R3HDM1: variants seen among roughly 807,000 people sequenced by gnomAD.
The protein encoded by R3HDM1 is R3H domain-containing protein 1.
R3HDM1 carries 46 observed loss-of-function variants against 141.1 expected under a neutral mutation model. The observed-to-expected ratio is 0.33, with a 90% CI of 0.26 to 0.42. The LOEUF is 0.42. R3HDM1 is among the 10% of genes least tolerant of loss of function. The probability of loss-of-function intolerance (pLI) is 1.00; values close to 1 mark genes in which losing one functional copy is unlikely to be tolerated. For missense variants in R3HDM1, 1,184 were observed against 1,368.3 expected, an observed-to-expected ratio of 0.87 and a Z score of 2.12; for synonymous variants, 435 against 472.9, an observed-to-expected ratio of 0.92 and a Z score of 1.04.
intron 21 of R3HDM1, among the ~76,000 whole-genome samples, chr2:135,683,488 G>A (rs1248233718): frequency 1.9e-4 from 29 of 150,918 alleles, no homozygotes; most frequent in Admixed American, 1.9e-3. Flanking sequence ...TGGGAGGTTG[G>A]GGTTGTAGTG....
chr2:135,575,312 A>C (rs1705149719), intron 1 of R3HDM1, among the ~76,000 whole-genome samples: 2 of 152,200 alleles, frequency 1.3e-5, no homozygotes, highest in South Asian at 4.1e-4. Flanking sequence ...CCTCCAAAAT[A>C]GCTGGGATTA....
At chr2:135,560,111 A>G (rs554694523) in intron 1 of R3HDM1, among the ~76,000 whole-genome samples, 17 of 152,350 alleles carry the variant, frequency 1.1e-4, no homozygotes, top group African/African-American at 3.4e-4. Context: ...GCGCATGTAT[A>G]TATTATTCTG....
At chr2:135,650,229 A>G (rs934862223) in intron 17 of R3HDM1, 36 of 981,568 alleles carry the variant, frequency 3.7e-5, no homozygotes, top group Middle Eastern at 1.0e-3. Flanking sequence ...CTGCTTTTTC[A>G]TAACGAAAGA....
rs1297365600 is a variant in R3HDM1, at chr2:135,611,374, C to T, written c.172-4778C>T. Among the ~76,000 whole-genome samples the T allele has an allele frequency of 2.0e-5, 3 of 152,204 alleles. No individual in the cohort carries two copies. In the East Asian group the frequency reaches 5.8e-4, roughly 29 times the overall value. The stretch of plus-strand genomic sequence containing the variant: ...TGTGATTGCACCACTGGACTCCAGC[C>T]TGAGTGACAGAGTCAGACCCTGTCT... On this transcript the variant is annotated intron_variant, in intron 3 of 26. Transcript: ENST00000683871.
chr2:135,556,855 A>G (rs1394206502), intron 1 of R3HDM1, among the ~76,000 whole-genome samples: 2 of 152,010 alleles, frequency 1.3e-5, no homozygotes, highest in Non-Finnish European at 2.9e-5. Context: ...ACTAGAATTC[A>G]TATAGAAAAA....
chr2:135,608,656 AT>A (rs1208059454), intron 3 of R3HDM1, among the ~76,000 whole-genome samples: 1 of 152,196 alleles, frequency 6.6e-6, no homozygotes, highest in Non-Finnish European at 1.5e-5. Context: ...ACTACCAGAT[AT>A]TTCATCTTCC....
intron 23 of R3HDM1, among the ~76,000 whole-genome samples, chr2:135,714,974 G>A (rs868368908): frequency 6.6e-6 from 1 of 152,316 alleles, no homozygotes; most frequent in East Asian, 1.9e-4. Flanking sequence ...TATTGCCAAG[G>A]TACAAAAGCA....
At chr2:135,646,501 C>T (rs1009785017) in intron 16 of R3HDM1, among the ~76,000 whole-genome samples, 27 of 151,710 alleles carry the variant, frequency 1.8e-4, no homozygotes, top group African/African-American at 1.7e-4. Context: ...CTCTTTTTCC[C>T]TGCAAGACTC....
chr2:135,668,946 T>C, intron 19 of R3HDM1: 1 of 212,194 alleles, frequency 4.7e-6, no homozygotes, highest in Non-Finnish European at 8.1e-6. Context: ...GAGATTCACT[T>C]GGAAATACTC....
intron 16 of R3HDM1, among the ~76,000 whole-genome samples, chr2:135,647,434 T>C (rs1227342520): frequency 6.6e-6 from 1 of 152,240 alleles, no homozygotes; most frequent in East Asian, 1.9e-4. Flanking sequence ...CTGGGATTTA[T>C]CTGTGATTAT....
At chr2:135,621,087 C>T (rs559447763) in intron 5 of R3HDM1, among the ~76,000 whole-genome samples, 1 of 152,036 alleles carries the variant, frequency 6.6e-6, no homozygotes, top group Non-Finnish European at 1.5e-5. Context: ...TTTTATTAAT[C>T]ATTGACTTGA....
chr2:135,701,891 G>T (rs1274360061), intron 21 of R3HDM1, among the ~76,000 whole-genome samples: 1 of 152,104 alleles, frequency 6.6e-6, no homozygotes, highest in Non-Finnish European at 1.5e-5. Flanking sequence ...TATTCATTCT[G>T]CCATGTGCTT....
At chr2:135,626,532 T>A (rs1270050541) in intron 7 of R3HDM1, among the ~76,000 whole-genome samples, 3 of 152,102 alleles carry the variant, frequency 2.0e-5, no homozygotes, top group Non-Finnish European at 4.4e-5. Flanking sequence ...ACAGGCAGAA[T>A]TTTTCTTCTC....
intron 1 of R3HDM1, among the ~76,000 whole-genome samples, chr2:135,580,200 G>T (rs1706474012): frequency 6.6e-6 from 1 of 152,166 alleles, no homozygotes; most frequent in South Asian, 2.1e-4. Context: ...GCAGTGAGCT[G>T]AGATCGCACC....
At chr2:135,550,697 CAA>C (rs1699677860) in intron 1 of R3HDM1, among the ~76,000 whole-genome samples, 1 of 152,066 alleles carries the variant, frequency 6.6e-6, no homozygotes, top group Non-Finnish European at 1.5e-5. Context: ...CTATTTGAGT[CAA>C]AATTTCAATA....
chr2:135,650,612 T>A, intron 17 of R3HDM1: 2 of 979,380 alleles, frequency 2.0e-6, no homozygotes, highest in Non-Finnish European at 1.2e-6. Flanking sequence ...TTTGATCATA[T>A]AACATTGAAA....
intron 1 of R3HDM1, among the ~76,000 whole-genome samples, chr2:135,594,313 A>G (rs547531994): frequency 2.0e-4 from 30 of 152,314 alleles, no homozygotes; most frequent in African/African-American, 6.7e-4. Flanking sequence ...TTAAGCTACT[A>G]TACCATACAG....
chr2:135,541,201 T>C (rs1234702931), intron 1 of R3HDM1, among the ~76,000 whole-genome samples: 1 of 152,022 alleles, frequency 6.6e-6, no homozygotes, highest in Non-Finnish European at 1.5e-5. Flanking sequence ...GTATCTGCAT[T>C]AGCTTCTTTT....
rs1454491738 is a variant in R3HDM1 at position 135,649,886 on chromosome 2, A to G, written c.1624-16A>G. 8.3e-6 allele frequency: 10 copies of G among 1,202,488 alleles called. No homozygotes were observed. The highest frequency in any genetic ancestry group is 6.5e-5 in the East Asian group (1 of 15,332). 74.5% of individuals were successfully genotyped at this position (1,202,488 alleles called of 1,614,324 possible). On this transcript the variant is annotated splice_polypyrimidine_tract_variant and intron_variant, in intron 16 of 26. Transcript: ENST00000683871. ...ATTCTGACATTAACATTGTTTGCCA[A>G]CCTGTTATTCTTTAGCCTGTTCATC...
Sources: allele counts gnomAD v4.1 joint callset (sites outside exome capture counted in the v4.1 genomes callset), GRCh38; gene constraint gnomAD v4.1.1; transcripts MANE v1.5; gene names NCBI Gene and HGNC (gene_info 2026-07-23, HGNC 2026-07-21).